The following ATXN2L variants were observed in gnomAD, a reference collection of about 807,000 sequenced individuals.
ATXN2L encodes the protein ataxin 2 like.
ATXN2L carries 24 observed loss-of-function variants against 120.7 expected under a neutral mutation model. That is an observed-to-expected ratio of 0.20 (90% CI 0.14 to 0.28). The LOEUF is 0.28. ATXN2L is among the 10% of genes least tolerant of loss of function. The probability of loss-of-function intolerance (pLI) is 1.00; values close to 1 mark genes in which losing one functional copy is unlikely to be tolerated. For synonymous variants in ATXN2L, 653 were observed against 568.1 expected (o/e 1.15, Z -2.13); for missense variants, 1,312 against 1,432.3 (o/e 0.92, Z 1.36).
rs749489964 is a variant in ATXN2L, at chr16:28,835,613, G to T, written c.2750G>T (p.Gly917Val). 6.8e-6 allele frequency: 11 copies of T among 1,613,960 alleles called. No individual in the cohort carries two copies. The highest frequency in any genetic ancestry group is 5.1e-6 in the Non-Finnish European group (6 of 1,179,954). ...CCACAGCAGAATCTGTACCACCCAG[G>T]GGCCCTGACAGGCACGCCGCCCTCT... ...GQPQQNLYHP[G>V]ALTGTPPSLP... The change falls in exon 21 of 22, where the codon GGG becomes GTG. Residue 917 changes from glycine (G) to valine (V), a missense_variant. Transcript: ENST00000336783.
intron 1 of ATXN2L, 192 bp downstream of exon 1, chr16:28,823,750 C>T (rs1025015029): frequency 7.6e-6 from 4 of 523,616 alleles, no homozygotes; most frequent in African/African-American, 2.0e-5. Context: ...CACCGGAGCA[C>T]TGAGGGGCCG....
intron 18 of ATXN2L, 158 bp downstream of exon 18, chr16:28,834,851 G>A: frequency 1.7e-6 from 2 of 1,165,772 alleles, no homozygotes; most frequent in Non-Finnish European, 2.4e-6. Flanking sequence ...TTGAGCCCTG[G>A]CTCTGGTGGT....
intron 6 of ATXN2L, among the ~76,000 whole-genome samples, chr16:28,827,594 G>C (rs2052623949): frequency 6.6e-6 from 1 of 151,664 alleles, no homozygotes. Flanking sequence ...TCATGAGGCT[G>C]AGCGCAGTGG....
At chr16:28,824,257 G>A in intron 1 of ATXN2L, 4 of 1,147,266 alleles carry the variant, frequency 3.5e-6, no homozygotes, top group Non-Finnish European at 4.4e-6. Context: ...CAGTGCATGA[G>A]TAGTGGAGGC....
At chr16:28,824,168 C>T (rs1442927222) in intron 1 of ATXN2L, 2 of 1,025,750 alleles carry the variant, frequency 1.9e-6, no homozygotes, top group East Asian at 2.2e-4. Flanking sequence ...CGTGGATGCT[C>T]GGTCTCATGA....
chr16:28,834,609 C>G lies in ATXN2L; in HGVS notation c.2349C>G (p.Pro783=). The stretch of plus-strand genomic sequence containing the variant: ...GCCCGCCTCTGGTGGCTGCCACGCC[C>G]TATTCTTCCTACATCCCCTACAACC... ...AAGPPLVAAT[P]YSSYIPYNPQ... The change falls in exon 18 of 22, where the codon CCC becomes CCG. Residue 783 remains proline, a synonymous_variant. Transcript: ENST00000336783. The G allele has an allele frequency of 1.2e-6, 2 of 1,613,834 alleles. No individual in the cohort carries two copies. Among genetic ancestry groups the G allele is most frequent in the Admixed American group, 1.7e-5 (1 of 60,016 alleles).
In ATXN2L at chr16:28,825,494, A is replaced by G. The variant is rs3934530; in HGVS notation, c.336+92A>G. On this transcript the variant is annotated intron_variant, in intron 2 of 21. Transcript: ENST00000336783. ...GGCACATTAGGTCTAGATAGAGTCT[A>G]ATGTACTCAGGAGGGCTGTGGGCCC... is the stretch of plus-strand genomic sequence containing the variant. 1.7e-3 allele frequency: 2,594 copies of G among 1,546,344 alleles called. 35 individuals carry two copies. In the African/African-American group the frequency reaches 0.03, roughly 18 times the overall value.
At chr16:28,833,836 C>CT in intron 15 of ATXN2L, 1 of 652,362 alleles carries the variant, frequency 1.5e-6, no homozygotes, top group East Asian at 2.8e-5. Flanking sequence ...TTGGCTTGAG[C>CT]CCCTGTATTT....
chr16:28,823,657 C>T (rs868544852), intron 1 of ATXN2L, 99 bp downstream of exon 1: 27 of 1,162,278 alleles, frequency 2.3e-5, no homozygotes, highest in Non-Finnish European at 2.9e-5. Flanking sequence ...TCAGGGGCAC[C>T]GGCTGGGTGG....
rs1049301799 is a variant in ATXN2L, at chr16:28,826,960, G to A, written c.715G>A (p.Asp239Asn). 1.7e-5 allele frequency: 26 copies of A among 1,574,448 alleles called. No homozygotes were observed. The highest frequency in any genetic ancestry group is 4.1e-5 in the African/African-American group (3 of 73,864). ...QRWEGGDSNS[D>N]DYDLESDMSN... Reference sequence around the variant, plus strand: ...CTGGGAGGGGGGTGACAGCAACAGCGACGACTATGACCTCGAGTCTGACAT... The same window carrying A: ...CTGGGAGGGGGGTGACAGCAACAGCAACGACTATGACCTCGAGTCTGACAT... Residue 239 changes from aspartate (D) to asparagine (N), a missense_variant, in exon 6 of 22, where the codon GAC becomes AAC. Transcript: ENST00000336783.
chr16:28,831,757 A>G (rs1224599880), intron 10 of ATXN2L, among the ~76,000 whole-genome samples: 5 of 152,134 alleles, frequency 3.3e-5, no homozygotes, highest in African/African-American at 4.8e-5. Context: ...GATGGCGTGC[A>G]CCTGTACTCC....
chr16:28,831,077 A>G lies in ATXN2L; in HGVS notation c.1321+5A>G. 6.4e-7 allele frequency: 1 copy of G among 1,571,514 alleles called. No individual in the cohort carries two copies. The highest frequency in any genetic ancestry group is 8.7e-7 in the Non-Finnish European group (1 of 1,149,778). ...CTGTTCCACCTCCTCCTGCAGGTAA[A>G]GCTTTAGTAGTGTTGGATGAAGAAA... On this transcript the variant is annotated splice_donor_5th_base_variant and intron_variant, in intron 10 of 21. Coordinates refer to ENST00000336783, the MANE Select transcript of ATXN2L (RefSeq NM_007245.4).
rs781516862 is a variant in ATXN2L, at chr16:28,831,053, T to A, written c.1302T>A (p.Ser434=). ...GTAATAGGCCTTCTGGAGAAACTTC[T>A]GTTCCACCTCCTCCTGCAGGTAAAG... The part of the protein sequence containing the change: ...SPSNRPSGET[S]VPPPPAVGRM... The change falls in exon 10 of 22, where the codon TCT becomes TCA. Residue 434 remains serine (S), a synonymous_variant. Transcript: ENST00000336783. 1.4e-5 allele frequency: 23 copies of A among 1,608,916 alleles called. No individual in the cohort carries two copies. In the Admixed American group the frequency reaches 1.9e-4, roughly 13 times the overall value.
intron 13 of ATXN2L, 64 bp downstream of exon 13, chr16:28,832,951 G>A: frequency 1.3e-6 from 2 of 1,599,976 alleles, no homozygotes; most frequent in South Asian, 1.1e-5. Context: ...CGTAGATGAG[G>A]CAAAGGACTA....
intron 6 of ATXN2L, among the ~76,000 whole-genome samples, chr16:28,828,203 C>A (rs573350623): frequency 3.9e-5 from 6 of 152,236 alleles, no homozygotes; most frequent in South Asian, 2.1e-4. Flanking sequence ...CAGAATTTTT[C>A]TGGGATGTCT....
At position 28,835,084 on chromosome 16, in the gene ATXN2L, C is replaced by T; in HGVS notation, c.2460C>T (p.Ser820=). 6.2e-7 allele frequency: 1 copy of T among 1,613,514 alleles called. No homozygotes were observed. The highest frequency in any genetic ancestry group is 8.5e-7 in the Non-Finnish European group (1 of 1,179,708). Residue 820 remains serine (S), a synonymous_variant, in exon 19 of 22, where the codon AGC becomes AGT. Transcript: ENST00000336783. ...SQPVFAPMLQ[S]NPRMLTSGSH... ...CGGTGTTTGCCCCCATGCTTCAGAG[C>T]AACCCACGCATGCTGACGTCGGGCA...
chr16:28,831,146 C>A, intron 10 of ATXN2L, 74 bp downstream of exon 10: 1 of 1,045,434 alleles, frequency 9.6e-7, no homozygotes. Flanking sequence ...CCATTTGTTA[C>A]AGTGCTGGAA....
At chr16:28,829,159 C>T (rs1364398421) in intron 6 of ATXN2L, among the ~76,000 whole-genome samples, 1 of 152,186 alleles carries the variant, frequency 6.6e-6, no homozygotes, top group African/African-American at 2.4e-5. Flanking sequence ...TGCACCACCA[C>T]ACCCGGCTGT....
intron 7 of ATXN2L, 114 bp downstream of exon 7, chr16:28,829,606 C>G (rs1024292997): frequency 7.0e-6 from 6 of 860,960 alleles, no homozygotes; most frequent in South Asian, 1.6e-5. Context: ...TGTCCAGGGT[C>G]GCCATCCCTA....
Sources: allele counts gnomAD v4.1 joint callset (sites outside exome capture counted in the v4.1 genomes callset), GRCh38; gene constraint gnomAD v4.1.1; transcripts MANE v1.5; gene names NCBI Gene and HGNC (gene_info 2026-07-23, HGNC 2026-07-21).